Variants in CENPK observed in about 807,000 individuals in gnomAD.
The protein encoded by CENPK is centromere protein K.
In CENPK, 46 loss-of-function variants were observed where a neutral mutation model predicts 40.9. The observed-to-expected ratio is 1.13, with a 90% CI of 0.89 to 1.44. The LOEUF (loss-of-function observed/expected upper bound fraction) is 1.44, where lower values mean the gene tolerates loss of function less well. CENPK is among the 40% of genes most tolerant of loss of function. The probability of loss-of-function intolerance (pLI) is 0.00; values close to 1 mark genes in which losing one functional copy is unlikely to be tolerated. For missense variants in CENPK, 288 were observed against 303.5 expected (o/e 0.95, Z 0.38); for synonymous variants, 107 against 104.4 (o/e 1.02, Z -0.15).
intron 6 of CENPK, among the ~76,000 whole-genome samples, chr5:65,537,642 C>T (rs906293487): frequency 1.3e-5 from 2 of 152,220 alleles, no homozygotes; most frequent in African/African-American, 4.8e-5. Context: ...GTCTGTGATG[C>T]TCTGCAATAG....
the CENPK span, among the ~76,000 whole-genome samples, chr5:65,501,301 C>T: frequency 1.3e-5 from 2 of 151,278 alleles, no homozygotes; most frequent in African/African-American, 2.4e-5. Flanking sequence ...ACCTCTGCCT[C>T]CCTAGTAGCT....
At chr5:65,528,197 C>T (rs1197143483) in intron 9 of CENPK, among the ~76,000 whole-genome samples, 1 of 152,138 alleles carries the variant, frequency 6.6e-6, no homozygotes, top group Non-Finnish European at 1.5e-5. Flanking sequence ...GCTGAGATCA[C>T]GCCACTGAAC....
chr5:65,533,144 G>T (rs1746198898), intron 6 of CENPK, among the ~76,000 whole-genome samples: 1 of 151,710 alleles, frequency 6.6e-6, no homozygotes, highest in Non-Finnish European at 1.5e-5. Flanking sequence ...GAGGTTAAGA[G>T]TTCAAGACCA....
chr5:65,510,330 G>C, the CENPK span, among the ~76,000 whole-genome samples: 1 of 152,168 alleles, frequency 6.6e-6, no homozygotes, highest in Admixed American at 6.5e-5. Flanking sequence ...GAAAGTTTTA[G>C]ATTTCCAGAT....
intron 4 of CENPK, 87 bp downstream of exon 4, chr5:65,552,406 G>T (rs998009793): frequency 2.5e-6 from 2 of 814,512 alleles, no homozygotes; most frequent in Non-Finnish European, 3.8e-6. Context: ...TATTAAACTT[G>T]AGAAAAATAC....
chr5:65,515,203 A>ATTTTTTTTTTT (rs1561603851), downstream of CENPK, among the ~76,000 whole-genome samples: 7 of 99,244 alleles, frequency 7.1e-5, no homozygotes, highest in South Asian at 6.9e-4. Flanking sequence ...ATCTCAAAAA[A>ATTTTTTTTTTT]ATTTTTTTTT....
At chr5:65,554,187 G>A (rs1273832110) in intron 3 of CENPK, among the ~76,000 whole-genome samples, 1 of 151,396 alleles carries the variant, frequency 6.6e-6, no homozygotes, top group Non-Finnish European at 1.5e-5. Context: ...CTGTCACCAG[G>A]CTGGAGTGCA....
At chr5:65,505,017 A>T in the CENPK span, among the ~76,000 whole-genome samples, 1 of 151,858 alleles carries the variant, frequency 6.6e-6, no homozygotes, top group Non-Finnish European at 1.5e-5. Flanking sequence ...GCAACCTTGA[A>T]CTCCAGGTAT....
chr5:65,553,289 G>C (rs1750413818), intron 3 of CENPK, among the ~76,000 whole-genome samples: 1 of 151,020 alleles, frequency 6.6e-6, no homozygotes, highest in Admixed American at 6.6e-5. Context: ...TGGCTTCCCT[G>C]AACTACACTG....
Position 65,529,137 on chromosome 5 carries a change from C to T in CENPK, c.351G>A (p.Lys117=), listed in dbSNP as rs1376463567. 1 of 1,609,520 alleles carries T rather than the reference C, an allele frequency of 6.2e-7. No homozygotes were observed. Among genetic ancestry groups the T allele is most frequent in the Non-Finnish European group, 8.5e-7 (1 of 1,176,678 alleles). Residue 117 remains lysine, a synonymous_variant, in exon 7 of 11, where the codon AAG becomes AAA. Transcript: ENST00000396679. The stretch of plus-strand genomic sequence containing the variant: ...CAAACCTTTCTAAGTCTTCCTTTAA[C>T]TTTTCATTCTTTGACTCCTTAGTGG... The part of the protein sequence containing the change: ...VLSTKESKNE[K]LKEDLEREQR...
the CENPK span, among the ~76,000 whole-genome samples, chr5:65,512,370 CTGAGAAATCTTTTTG>C: frequency 6.6e-6 from 1 of 152,298 alleles, no homozygotes; most frequent in Non-Finnish European, 1.5e-5. Flanking sequence ...TACCATGCTA[CTGAGAAATCTTTTTG>C]TGAAAGTAAG....
chr5:65,518,955 C>T (rs1014387039), intron 10 of CENPK, among the ~76,000 whole-genome samples: 4 of 152,100 alleles, frequency 2.6e-5, no homozygotes, highest in Non-Finnish European at 5.9e-5. Context: ...TAATATTTCA[C>T]AAAAAACACA....
intron 10 of CENPK, among the ~76,000 whole-genome samples, chr5:65,521,149 A>C (rs547589769): frequency 1.3e-5 from 2 of 152,242 alleles, no homozygotes; most frequent in African/African-American, 4.8e-5. Flanking sequence ...TACTCTGTAA[A>C]TACTAGATAA....
At chr5:65,541,014 G>A (rs1747877665) in intron 6 of CENPK, among the ~76,000 whole-genome samples, 1 of 151,852 alleles carries the variant, frequency 6.6e-6, no homozygotes, top group Admixed American at 6.6e-5. Context: ...GTAGGGACAG[G>A]CTTTTGCCAT....
chr5:65,511,254 G>A, the CENPK span, among the ~76,000 whole-genome samples: 6 of 152,312 alleles, frequency 3.9e-5, no homozygotes, highest in East Asian at 1.9e-4. Context: ...ACATAAAAGC[G>A]CAAGGGGAAG....
intron 6 of CENPK, among the ~76,000 whole-genome samples, chr5:65,542,580 T>C (rs1748161974): frequency 1.3e-5 from 2 of 151,566 alleles, no homozygotes; most frequent in Admixed American, 6.6e-5. Flanking sequence ...GAGGTTACAG[T>C]GAGCCAGGAT....
chr5:65,514,322 G>C (rs545171870), downstream of CENPK, among the ~76,000 whole-genome samples: 5 of 134,396 alleles, frequency 3.7e-5, no homozygotes, highest in South Asian at 1.2e-3. Context: ...GGAGTGCAGT[G>C]GTGCAGTCTC....
intron 2 of CENPK, chr5:65,561,259 TA>T: frequency 4.3e-6 from 1 of 233,638 alleles, no homozygotes; most frequent in Non-Finnish European, 9.0e-6. Flanking sequence ...AATTTTAGAA[TA>T]TTTTTAAGCG....
In CENPK at chr5:65,533,162, C is replaced by T. The variant is rs550542769; in HGVS notation, c.289-3963G>A. 2.7e-3 allele frequency among the ~76,000 whole-genome samples: 405 copies of T among 151,648 alleles called. 4 individuals carry two copies. Among genetic ancestry groups the T allele is most frequent in the African/African-American group, 8.9e-3 (369 of 41,384 alleles). On this transcript the variant is annotated intron_variant, in intron 6 of 10. Coordinates refer to ENST00000396679, the MANE Select transcript of CENPK (RefSeq NM_022145.5). ...GTTAAGAGTTCAAGACCAGCCTGGC[C>T]AAAATGGTGAAACCCCCGTCTCTAC... is the stretch of plus-strand genomic sequence containing the variant.
Sources: allele counts gnomAD v4.1 joint callset (sites outside exome capture counted in the v4.1 genomes callset), GRCh38; gene constraint gnomAD v4.1.1; transcripts MANE v1.5; gene names NCBI Gene and HGNC (gene_info 2026-07-23, HGNC 2026-07-21).